The following C8orf90 variants were observed in gnomAD, a reference collection of about 807,000 sequenced individuals.
The protein encoded by C8orf90 is chromosome 8 open reading frame 90.
chr8:141,517,478 G>A, the C8orf90 span, among the ~76,000 whole-genome samples: 1 of 152,234 alleles, frequency 6.6e-6, no homozygotes, highest in Non-Finnish European at 1.5e-5. Flanking sequence ...TGGACCATGG[G>A]CCAGCAACGT....
chr8:141,514,731 C>A, the C8orf90 span: 2 of 701,620 alleles, frequency 2.9e-6, no homozygotes, highest in East Asian at 2.7e-5. Context: ...CCCAGCCCAG[C>A]AGGTCTGCCC....
At chr8:141,515,683 T>A in the C8orf90 span, among the ~76,000 whole-genome samples, 2 of 151,704 alleles carry the variant, frequency 1.3e-5, no homozygotes, top group Admixed American at 1.3e-4. Context: ...CCTCCACCCC[T>A]CCTCACATCT....
At chr8:141,518,527 A>C in the C8orf90 span, 1 of 537,408 alleles carries the variant, frequency 1.9e-6, no homozygotes, top group Non-Finnish European at 3.2e-6. Flanking sequence ...CCAGGCAGCG[A>C]TGCGCAAGCG....
the C8orf90 span, chr8:141,518,635 C>T: frequency 4.7e-5 from 25 of 529,662 alleles, 1 homozygote; most frequent in East Asian, 7.1e-4. Context: ...TTCCCGGAGC[C>T]CGAGGCCAGC....
At chr8:141,514,765 C>A in the C8orf90 span, 8 of 700,752 alleles carry the variant, frequency 1.1e-5, no homozygotes, top group Non-Finnish European at 1.8e-5. Context: ...CCACTCCAGG[C>A]GAGACACTTG....
At chr8:141,518,093 A>G in the C8orf90 span, 1 of 510,128 alleles carries the variant, frequency 2.0e-6, no homozygotes, top group East Asian at 3.5e-5. Flanking sequence ...TTTCGAGCTC[A>G]TTCGGCGGCT....
chr8:141,518,257 G>A, the C8orf90 span: 6 of 623,246 alleles, frequency 9.6e-6, no homozygotes, highest in Admixed American at 2.5e-5. Flanking sequence ...GGACATCTAC[G>A]GCGGGGACGC....
chr8:141,515,413 C>G, the C8orf90 span, among the ~76,000 whole-genome samples: 1 of 148,580 alleles, frequency 6.7e-6, no homozygotes, highest in South Asian at 2.2e-4. Flanking sequence ...AATGCCTTCA[C>G]TCCTAAAGAC....
At chr8:141,517,583 C>T in the C8orf90 span, among the ~76,000 whole-genome samples, 1,157 of 152,306 alleles carry the variant, frequency 7.6e-3, 14 homozygotes, top group African/African-American at 0.027. Flanking sequence ...TGGGGCCGCA[C>T]CTCCCTCTGG....
the C8orf90 span, chr8:141,518,383 G>T: frequency 3.0e-6 from 2 of 674,996 alleles, no homozygotes; most frequent in South Asian, 3.1e-5. Context: ...CTTCCCGTTC[G>T]CCTGGCCGCC....
the C8orf90 span, among the ~76,000 whole-genome samples, chr8:141,517,234 T>C: frequency 1.5e-5 from 1 of 66,438 alleles, no homozygotes; most frequent in African/African-American, 3.8e-5. Context: ...CATGGTCATA[T>C]TCATCCATTC....
the C8orf90 span, among the ~76,000 whole-genome samples, chr8:141,516,112 A>G: frequency 6.6e-6 from 1 of 152,134 alleles, no homozygotes; most frequent in African/African-American, 2.4e-5. Flanking sequence ...GGCAGCATTC[A>G]GCTTCTCCCA....
At chr8:141,516,524 G>A in the C8orf90 span, among the ~76,000 whole-genome samples, 3 of 152,062 alleles carry the variant, frequency 2.0e-5, no homozygotes, top group Admixed American at 6.5e-5. Context: ...CACTTCCCAC[G>A]CTCCCATCAC....
the C8orf90 span, chr8:141,514,810 G>T: frequency 1.4e-6 from 1 of 694,378 alleles, no homozygotes; most frequent in East Asian, 2.7e-5. Context: ...GGGGGACGGG[G>T]CACCTGGGGC....
At chr8:141,518,594 C>T in the C8orf90 span, 1 of 461,216 alleles carries the variant, frequency 2.2e-6, no homozygotes, top group Non-Finnish European at 3.8e-6. Context: ...GGCCCGGCCT[C>T]GTCCTGCTGC....
chr8:141,515,622 G>GCA, the C8orf90 span, among the ~76,000 whole-genome samples: 2 of 151,980 alleles, frequency 1.3e-5, no homozygotes, highest in Non-Finnish European at 2.9e-5. Context: ...GCCAGCCCCA[G>GCA]CACTCCTTTA....
the C8orf90 span, among the ~76,000 whole-genome samples, chr8:141,515,223 C>T: frequency 2.7e-4 from 40 of 146,828 alleles, no homozygotes; most frequent in African/African-American, 9.1e-4. Flanking sequence ...CCCACCCACC[C>T]ATCCATCCAT....
At chr8:141,514,895 G>A in the C8orf90 span, 2 of 621,226 alleles carry the variant, frequency 3.2e-6, no homozygotes, top group East Asian at 2.8e-5. Context: ...GGTCATGAAG[G>A]AGAGTGGCAG....
At chr8:141,517,496 T>C in the C8orf90 span, among the ~76,000 whole-genome samples, 3 of 152,210 alleles carry the variant, frequency 2.0e-5, no homozygotes, top group African/African-American at 7.2e-5. Context: ...CGTGGGTGCC[T>C]TCTGGGGACC....
Sources: gnomAD v4.1 joint callset for allele counts (sites outside exome capture counted in the v4.1 genomes callset) on GRCh38, gnomAD v4.1.1 for gene constraint, MANE v1.5 for transcripts, NCBI Gene and HGNC (gene_info 2026-07-23, HGNC 2026-07-21) for gene names.